The following TRPM7 variants were observed in gnomAD, a reference collection of about 807,000 sequenced individuals.
TRPM7 encodes the protein LTRPC ion channel family member 7.
Under a neutral mutation model 229.7 loss-of-function variants are expected in TRPM7, and 134 were observed. That is an observed-to-expected ratio of 0.58 (90% CI 0.51 to 0.67). TRPM7 has a LOEUF of 0.67. Ranked by LOEUF, TRPM7 falls within the 30% of genes least tolerant of loss-of-function variation. TRPM7 has a pLI of 0.00. For synonymous variants in TRPM7, 699 were observed against 715.2 expected (o/e 0.98, Z 0.36); for missense variants, 1,901 against 2,210.0 (o/e 0.86, Z 2.80).
At chr15:50,618,083 A>AT (rs2060278630) in intron 13 of TRPM7, among the ~76,000 whole-genome samples, 1 of 152,190 alleles carries the variant, frequency 6.6e-6, no homozygotes, top group South Asian at 2.1e-4. Flanking sequence ...TATAAATACT[A>AT]TTTTATCAAG....
chr15:50,586,665 G>A (rs2059351077), intron 27 of TRPM7, 177 bp from the exon 28 acceptor site: 2 of 464,540 alleles, frequency 4.3e-6, no homozygotes, highest in East Asian at 3.7e-5. Context: ...TTCAAAAGCT[G>A]CACCAAAACA....
chr15:50,567,807 G>A (rs1027640970), intron 38 of TRPM7, among the ~76,000 whole-genome samples: 2 of 152,030 alleles, frequency 1.3e-5, no homozygotes, highest in Non-Finnish European at 2.9e-5. Context: ...ACAAGGAGTA[G>A]GCCGGGCACG....
intron 2 of TRPM7, among the ~76,000 whole-genome samples, chr15:50,660,869 G>C (rs2061703840): frequency 6.6e-6 from 1 of 152,092 alleles, no homozygotes; most frequent in Non-Finnish European, 1.5e-5. Context: ...CTTCATTGTG[G>C]CCTAATTAAA....
rs755433337 is a variant in TRPM7 at position 50,585,050 on chromosome 15, A to ATTTTTT, written c.4486+1336_4486+1341dup. Among the ~76,000 whole-genome samples, 15 of 95,052 alleles carry ATTTTTT rather than the reference A, an allele frequency of 1.6e-4. 1 individual carries two copies. Among genetic ancestry groups the ATTTTTT allele is most frequent in the Admixed American group, 2.8e-4 (2 of 7,028 alleles). 62.4% of individuals were successfully genotyped at this position (95,052 alleles called of 152,430 possible). Reference sequence around the variant, plus strand: ...GCCACCACATCTAGCTAATTTTTGTATTTTTTTTTTTTTTTTTTTTTTGAG... The same window carrying ATTTTTT: ...GCCACCACATCTAGCTAATTTTTGTATTTTTTTTTTTTTTTTTTTTTTTTTTTTGAG... On this transcript the variant is annotated intron_variant, in intron 28 of 38. Coordinates refer to ENST00000646667, the MANE Select transcript of TRPM7 (RefSeq NM_017672.6).
intron 3 of TRPM7, among the ~76,000 whole-genome samples, chr15:50,657,046 G>C (rs62017202): frequency 7.2e-4 from 110 of 152,092 alleles, no homozygotes; most frequent in African/African-American, 2.6e-3. Flanking sequence ...AAAATCAGCC[G>C]GGCCTGGTGG....
At chr15:50,570,020 AC>A (rs767152238) in intron 37 of TRPM7, 27 bp from the exon 38 acceptor site, 19 of 1,593,848 alleles carry the variant, frequency 1.2e-5, no homozygotes, top group Middle Eastern at 1.7e-4. Context: ...TTTAAAAAAA[AC>A]AACAAAAAAA....
chr15:50,611,813 C>T (rs1217062307), intron 16 of TRPM7, among the ~76,000 whole-genome samples: 14 of 152,230 alleles, frequency 9.2e-5, no homozygotes, highest in African/African-American at 3.4e-4. Flanking sequence ...AAATACCCCA[C>T]TTGGGGAGCC....
intron 28 of TRPM7, among the ~76,000 whole-genome samples, chr15:50,583,832 C>T (rs2054550358): frequency 6.6e-6 from 1 of 152,106 alleles, no homozygotes; most frequent in Non-Finnish European, 1.5e-5. Context: ...CCTCAACCTC[C>T]CAAAGTACTG....
At chr15:50,607,099 T>TAC (rs1298990594) in intron 20 of TRPM7, 101 bp downstream of exon 20, 17 of 1,003,952 alleles carry the variant, frequency 1.7e-5, no homozygotes, top group South Asian at 4.0e-5. Context: ...AATGTCATCA[T>TAC]ACACACACAC....
At chr15:50,665,033 T>C (rs1189940402) in intron 1 of TRPM7, among the ~76,000 whole-genome samples, 3 of 152,196 alleles carry the variant, frequency 2.0e-5, no homozygotes, top group African/African-American at 7.2e-5. Flanking sequence ...CTTCATTTAA[T>C]AAATATACGC....
rs1411888918 is a variant in TRPM7, at chr15:50,560,095, GC to G, written c.*1582del. ...ATATAAAATTAAAAATCAACAGACA[GC>G]CCATATTGCCCTTTTTTGGCCTAAC... On this transcript the variant is annotated 3_prime_UTR_variant, in exon 39 of 39. Transcript: ENST00000646667. 1.4e-5 allele frequency: 2 copies of G among 147,306 alleles called. No individual in the cohort carries two copies. Among genetic ancestry groups the G allele is most frequent in the Admixed American group, 1.4e-4 (2 of 14,770 alleles). The allele number at this position is 147,306 out of a possible 1,614,324, so 9.1% of individuals were successfully genotyped here. A position where few individuals can be genotyped will look rare whatever the true frequency, so the allele number is the denominator to read the frequency against.
chr15:50,592,501 G>T lies in TRPM7; in HGVS notation c.3734C>A (p.Thr1245Lys). 6.2e-7 allele frequency: 1 copy of T among 1,614,042 alleles called. No homozygotes were observed. Among genetic ancestry groups the T allele is most frequent in the Non-Finnish European group, 8.5e-7 (1 of 1,180,020 alleles). Residue 1245 changes from threonine to lysine, a missense_variant, in exon 26 of 39, where the codon ACA becomes AAA. Physicochemically the swap from Thr to Lys is moderately conservative, Grantham distance 78 (BLOSUM62 -1). Coordinates refer to ENST00000646667, the MANE Select transcript of TRPM7 (RefSeq NM_017672.6). ...TTTCTGGGCAGTGAGTGTTTTTAAT[G>T]TATCTACCGTCAGGGCTGAAAGATC... ...LQDLSALTVD[T>K]LKTLTAQKAS...
rs1008137190 is a variant in TRPM7 at position 50,580,995 on chromosome 15, T to C, written c.4558-87A>G. ...CATAACGGTTTAACTTTTTTTCTTATATTTTAAGAATGAAAGGCCAAAAAA... is the reference window on the plus strand; with the variant it reads ...CATAACGGTTTAACTTTTTTTCTTACATTTTAAGAATGAAAGGCCAAAAAA... On this transcript the variant is annotated intron_variant, in intron 29 of 38. Coordinates refer to ENST00000646667, the MANE Select transcript of TRPM7 (RefSeq NM_017672.6). 5.0e-6 allele frequency: 7 copies of C among 1,394,012 alleles called. No individual in the cohort carries two copies. In the African/African-American group the frequency reaches 5.8e-5, roughly 12 times the overall value. 86.4% of individuals were successfully genotyped at this position (1,394,012 alleles called of 1,614,324 possible).
At chr15:50,672,164 C>T (rs1379882799) in intron 1 of TRPM7, among the ~76,000 whole-genome samples, 2 of 152,140 alleles carry the variant, frequency 1.3e-5, no homozygotes, top group African/African-American at 4.8e-5. Context: ...CGCCATTCTC[C>T]TGCCTCAGCC....
At chr15:50,684,402 G>C (rs190468654) in intron 1 of TRPM7, among the ~76,000 whole-genome samples, 1 of 152,100 alleles carries the variant, frequency 6.6e-6, no homozygotes, top group Non-Finnish European at 1.5e-5. Context: ...AACACTTTGG[G>C]AGGTGAGACA....
At chr15:50,624,137 G>C in intron 12 of TRPM7, 29 bp downstream of exon 12, 1 of 1,580,462 alleles carries the variant, frequency 6.3e-7, no homozygotes, top group Admixed American at 1.9e-5. Flanking sequence ...ATAAAATGTA[G>C]TCAATAAAGA....
At chr15:50,671,665 C>A (rs940986573) in intron 1 of TRPM7, among the ~76,000 whole-genome samples, 4 of 151,764 alleles carry the variant, frequency 2.6e-5, no homozygotes, top group Admixed American at 2.6e-4. Context: ...TTTTAATTAG[C>A]CAAGCATGTT....
intron 3 of TRPM7, among the ~76,000 whole-genome samples, chr15:50,654,964 G>A (rs2061519013): frequency 1.4e-5 from 2 of 140,970 alleles, no homozygotes; most frequent in South Asian, 4.4e-4. Context: ...CTGCGCCACT[G>A]CACTCCAGCG....
intron 23 of TRPM7, 77 bp from the exon 24 acceptor site, chr15:50,594,690 G>T: frequency 1.0e-6 from 1 of 982,666 alleles, no homozygotes; most frequent in Non-Finnish European, 1.5e-6. Flanking sequence ...TGATTTCATT[G>T]TAATTCTGTA....
Sources: allele counts gnomAD v4.1 joint callset (sites outside exome capture counted in the v4.1 genomes callset), GRCh38; gene constraint gnomAD v4.1.1; transcripts MANE v1.5; gene names NCBI Gene and HGNC (gene_info 2026-07-23, HGNC 2026-07-21).